SYN3: variants seen among roughly 807,000 people sequenced by gnomAD.
SYN3 encodes the protein synapsin III, also known as synapsin-3.
SYN3 carries 35 observed loss-of-function variants against 65.8 expected under a neutral mutation model. The observed-to-expected ratio is 0.53, with a 90% CI of 0.41 to 0.70. The LOEUF (loss-of-function observed/expected upper bound fraction) is 0.70. Among genes scored for constraint, SYN3 ranks in the 30% least tolerant of loss-of-function variants. The pLI, the probability that SYN3 is intolerant of heterozygous loss-of-function variation, is 0.00. For missense variants in SYN3, 680 were observed against 749.0 expected, an observed-to-expected ratio of 0.91 and a Z score of 1.08; for synonymous variants, 270 against 292.9, an observed-to-expected ratio of 0.92 and a Z score of 0.80.
At chr22:32,567,988 T>A (rs900686422) in intron 7 of SYN3, among the ~76,000 whole-genome samples, 4 of 152,120 alleles carry the variant, frequency 2.6e-5, no homozygotes, top group Non-Finnish European at 1.5e-5. Context: ...ATGAGGATGA[T>A]CCCCAGTTTC....
chr22:32,722,184 T>G (rs2061128828), intron 6 of SYN3, among the ~76,000 whole-genome samples: 1 of 152,074 alleles, frequency 6.6e-6, no homozygotes, highest in Non-Finnish European at 1.5e-5. Flanking sequence ...ATGAAGTATT[T>G]TCCCAAGCAG....
intron 12 of SYN3, among the ~76,000 whole-genome samples, chr22:32,520,901 T>C (rs1359176387): frequency 2.6e-5 from 4 of 152,184 alleles, no homozygotes; most frequent in African/African-American, 4.8e-5. Context: ...TGGGCCCTCA[T>C]TTGTAAAATA....
intron 6 of SYN3, among the ~76,000 whole-genome samples, chr22:32,784,017 C>T (rs537756592): frequency 6.6e-6 from 1 of 152,304 alleles, no homozygotes; most frequent in East Asian, 1.9e-4. Flanking sequence ...ATTCAAAAGT[C>T]CTTGGAAAGG....
chr22:32,886,823 A>G (rs1017269417), intron 4 of SYN3, among the ~76,000 whole-genome samples: 8 of 152,214 alleles, frequency 5.3e-5, no homozygotes, highest in Non-Finnish European at 1.2e-4. Flanking sequence ...TTTCCTCAAC[A>G]TAATGGCTTT....
chr22:32,714,357 C>G (rs1601964509), intron 6 of SYN3, among the ~76,000 whole-genome samples: 1 of 152,286 alleles, frequency 6.6e-6, no homozygotes, highest in East Asian at 1.9e-4. Context: ...GGGAGTTTGT[C>G]TGGCTGGTCT....
intron 3 of SYN3, among the ~76,000 whole-genome samples, chr22:32,967,145 G>T (rs2051871508): frequency 6.6e-6 from 1 of 152,128 alleles, no homozygotes; most frequent in Non-Finnish European, 1.5e-5. Context: ...GTAAGCATGT[G>T]ATTAGATACT....
intron 6 of SYN3, among the ~76,000 whole-genome samples, chr22:32,717,041 C>T (rs997212722): frequency 1.1e-4 from 16 of 152,182 alleles, no homozygotes; most frequent in Non-Finnish European, 2.4e-4. Context: ...CTTTTGACCA[C>T]TCCTTGGGTC....
At chr22:32,846,732 C>G (rs917022787) in intron 6 of SYN3, among the ~76,000 whole-genome samples, 1 of 152,254 alleles carries the variant, frequency 6.6e-6, no homozygotes, top group East Asian at 1.9e-4. Flanking sequence ...TAGTAATAAG[C>G]AAATCACTTG....
At chr22:32,765,815 A>G (rs1468989558) in intron 6 of SYN3, among the ~76,000 whole-genome samples, 3 of 152,156 alleles carry the variant, frequency 2.0e-5, no homozygotes, top group Admixed American at 2.0e-4. Context: ...GTGTTTTTGA[A>G]TGGTTGGAGC....
chr22:32,534,747 C>T (rs531078103), intron 9 of SYN3, among the ~76,000 whole-genome samples: 36 of 152,172 alleles, frequency 2.4e-4, no homozygotes, highest in African/African-American at 3.9e-4. Context: ...CATCGCTTTG[C>T]GTCTCTGAGC....
chr22:33,044,918 C>T (rs1301002275), intron 1 of SYN3, among the ~76,000 whole-genome samples: 2 of 151,502 alleles, frequency 1.3e-5, no homozygotes, highest in Non-Finnish European at 2.9e-5. Flanking sequence ...TCTCGGCTCA[C>T]CACAACCTCT....
At chr22:32,518,390 G>T in intron 12 of SYN3, 56 bp from the exon 13 acceptor site, 1 of 1,591,490 alleles carries the variant, frequency 6.3e-7, no homozygotes, top group Non-Finnish European at 8.6e-7. Flanking sequence ...GGATAGATAT[G>T]GCTGTACACA....
intron 3 of SYN3, among the ~76,000 whole-genome samples, chr22:32,966,167 T>C (rs531150183): frequency 1.3e-5 from 2 of 152,170 alleles, no homozygotes; most frequent in African/African-American, 4.8e-5. Flanking sequence ...AAGTGTGATG[T>C]AGACACAGGT....
intron 2 of SYN3, among the ~76,000 whole-genome samples, chr22:32,987,296 G>C (rs929705386): frequency 4.6e-5 from 7 of 152,192 alleles, no homozygotes; most frequent in Non-Finnish European, 1.0e-4. Context: ...CCAATGGGCT[G>C]TGCAGAAAAT....
chr22:32,804,787 A>G (rs1179494659), intron 6 of SYN3, among the ~76,000 whole-genome samples: 1 of 152,316 alleles, frequency 6.6e-6, no homozygotes, highest in Non-Finnish European at 1.5e-5. Context: ...ATGCCGGCTT[A>G]TAAGACACAC....
chr22:32,510,685 C>G lies in SYN3; in HGVS notation c.*3007G>C, dbSNP rs2057680865. 6.6e-6 allele frequency among the ~76,000 whole-genome samples: 1 copy of G among 152,136 alleles called. No homozygotes were observed. The highest frequency in any genetic ancestry group is 2.1e-4 in the South Asian group (1 of 4,814). ...AAACCAAACTTCAACTCCTATAGCTCTCTGTGCTTGAATCTTGTAACAGGC... is the reference window on the plus strand; with the variant it reads ...AAACCAAACTTCAACTCCTATAGCTGTCTGTGCTTGAATCTTGTAACAGGC... On this transcript the variant is annotated 3_prime_UTR_variant, in exon 14 of 14. Transcript: ENST00000358763.
intron 1 of SYN3, among the ~76,000 whole-genome samples, chr22:33,046,437 T>C (rs1367006395): frequency 6.6e-6 from 1 of 152,178 alleles, no homozygotes; most frequent in Non-Finnish European, 1.5e-5. Context: ...AGAAACAACC[T>C]GGCTGTGTGC....
intron 1 of SYN3, among the ~76,000 whole-genome samples, chr22:33,017,188 T>A (rs2053481615): frequency 6.6e-6 from 1 of 152,256 alleles, no homozygotes; most frequent in Admixed American, 6.5e-5. Flanking sequence ...TGTGTTCTTG[T>A]CACCTTTGTC....
At chr22:32,816,483 C>G (rs2047091198) in intron 6 of SYN3, among the ~76,000 whole-genome samples, 2 of 152,238 alleles carry the variant, frequency 1.3e-5, no homozygotes, top group Non-Finnish European at 2.9e-5. Flanking sequence ...CCTCTGTTAC[C>G]TTTACTTCTC....
Sources: gnomAD v4.1 joint callset for allele counts (sites outside exome capture counted in the v4.1 genomes callset) on GRCh38, gnomAD v4.1.1 for gene constraint, MANE v1.5 for transcripts, NCBI Gene and HGNC (gene_info 2026-07-23, HGNC 2026-07-21) for gene names.